Variants in PPP4R3A observed in about 807,000 individuals in gnomAD.
The protein encoded by PPP4R3A is serine/threonine-protein phosphatase 4 regulatory subunit 3A.
Under a neutral mutation model 91.7 loss-of-function variants are expected in PPP4R3A, and 15 were observed. The observed-to-expected ratio is 0.16, with a 90% CI of 0.11 to 0.25. The LOEUF is 0.25. Among genes scored for constraint, PPP4R3A ranks in the 10% least tolerant of loss-of-function variants. The pLI is 1.00. For missense variants in PPP4R3A, 623 were observed against 998.4 expected, an observed-to-expected ratio of 0.62 and a Z score of 5.07; for synonymous variants, 377 against 348.7, an observed-to-expected ratio of 1.08 and a Z score of -0.91.
chr14:91,489,001 A>G (rs1309622961), intron 2 of PPP4R3A, among the ~76,000 whole-genome samples: 1 of 139,082 alleles, frequency 7.2e-6, no homozygotes. Flanking sequence ...TCCACCTCCC[A>G]GGTTCACGCC....
chr14:91,505,836 A>G (rs558249834), intron 1 of PPP4R3A, among the ~76,000 whole-genome samples: 51 of 152,382 alleles, frequency 3.3e-4, no homozygotes, highest in Admixed American at 8.5e-4. Context: ...CAAAAAGAAA[A>G]TATCAATTAT....
intron 14 of PPP4R3A, among the ~76,000 whole-genome samples, chr14:91,459,187 C>T (rs1567142437): frequency 6.6e-6 from 1 of 152,090 alleles, no homozygotes; most frequent in Non-Finnish European, 1.5e-5. Flanking sequence ...TCACTGCAAC[C>T]TCCACCTCCC....
At chr14:91,482,219 C>A (rs1889609254) in intron 3 of PPP4R3A, 26 bp from the exon 4 acceptor site, 1 of 1,559,222 alleles carries the variant, frequency 6.4e-7, no homozygotes, top group Non-Finnish European at 8.6e-7. Flanking sequence ...TAATTGCTGA[C>A]AAAATAGATA....
intron 4 of PPP4R3A, among the ~76,000 whole-genome samples, chr14:91,481,222 C>G (rs1209457623): frequency 6.6e-6 from 1 of 152,048 alleles, no homozygotes; most frequent in Non-Finnish European, 1.5e-5. Context: ...GTCCCAGCTA[C>G]TCAGGAGGCT....
chr14:91,471,066 A>G (rs1168626435), intron 9 of PPP4R3A, 71 bp from the exon 10 acceptor site: 1 of 1,411,320 alleles, frequency 7.1e-7, no homozygotes, highest in Non-Finnish European at 9.5e-7. Context: ...TAAGAACTCA[A>G]ATTCTAATCA....
rs772678944 is a variant in PPP4R3A, at chr14:91,490,762, T to A, written c.183A>T (p.Ala61=). ...AAAATTTTACCTGTTGTTTCTGGTA[T>A]GCAGTGTTAGGATTTATTTTCGACT... ...LLESKINPNT[A]YQKQQDTLIV... Residue 61 remains alanine, a synonymous_variant, in exon 2 of 15, where the codon GCA becomes GCT. Coordinates refer to ENST00000554943, the MANE Select transcript of PPP4R3A (RefSeq NM_001366432.2). 4 of 1,609,958 alleles carry A rather than the reference T, an allele frequency of 2.5e-6. No homozygotes were observed. The highest frequency in any genetic ancestry group is 3.4e-6 in the Non-Finnish European group (4 of 1,178,616).
intron 7 of PPP4R3A, 107 bp downstream of exon 7, chr14:91,475,703 TG>T: frequency 9.0e-7 from 1 of 1,107,016 alleles, no homozygotes; most frequent in Non-Finnish European, 1.3e-6. Flanking sequence ...TCTGATATTA[TG>T]GCTACACTTT....
At chr14:91,459,718 C>T (rs545603667) in intron 14 of PPP4R3A, among the ~76,000 whole-genome samples, 8 of 151,642 alleles carry the variant, frequency 5.3e-5, no homozygotes, top group Non-Finnish European at 1.0e-4. Context: ...ATCTGTAATC[C>T]CAGCTACTTG....
At chr14:91,476,795 G>A in intron 5 of PPP4R3A, 114 bp downstream of exon 5, 1 of 859,362 alleles carries the variant, frequency 1.2e-6, no homozygotes, top group Non-Finnish European at 1.8e-6. Context: ...TCAAACTTCT[G>A]ACCTCGTGAT....
intron 11 of PPP4R3A, among the ~76,000 whole-genome samples, 187 bp downstream of exon 11, chr14:91,465,063 A>T (rs890936916): frequency 6.6e-6 from 1 of 152,014 alleles, no homozygotes; most frequent in Non-Finnish European, 1.5e-5. Flanking sequence ...GACCCCTGCT[A>T]TAACAGATTT....
intron 2 of PPP4R3A, among the ~76,000 whole-genome samples, chr14:91,486,937 A>T (rs942951777): frequency 2.7e-5 from 4 of 147,876 alleles, no homozygotes; most frequent in African/African-American, 9.9e-5. Context: ...GAGAGTCAAA[A>T]TATTTATAAG....
chr14:91,460,543 CT>C (rs1383777294), intron 14 of PPP4R3A, among the ~76,000 whole-genome samples: 1 of 151,416 alleles, frequency 6.6e-6, no homozygotes, highest in African/African-American at 2.4e-5. Context: ...TATATTATGT[CT>C]CAAAAGAAAA....
At chr14:91,462,655 AAAT>A (rs1888231850) in intron 12 of PPP4R3A, 77 bp downstream of exon 12, 1 of 1,520,436 alleles carries the variant, frequency 6.6e-7, no homozygotes, top group African/African-American at 1.4e-5. Flanking sequence ...TTGTCAAGCC[AAAT>A]AATATCAAAT....
chr14:91,507,408 A>G (rs1326950170), intron 1 of PPP4R3A, among the ~76,000 whole-genome samples: 4 of 101,634 alleles, frequency 3.9e-5, no homozygotes, highest in Non-Finnish European at 2.2e-5. Flanking sequence ...CTATAATTAT[A>G]TATACTATAT....
At chr14:91,502,887 C>A (rs1311206007) in intron 1 of PPP4R3A, among the ~76,000 whole-genome samples, 1 of 152,202 alleles carries the variant, frequency 6.6e-6, no homozygotes, top group African/African-American at 2.4e-5. Context: ...ATTCTGGATG[C>A]CTTGGCAAGT....
intron 4 of PPP4R3A, among the ~76,000 whole-genome samples, chr14:91,481,034 TA>T (rs879583107): frequency 1.7e-3 from 237 of 142,822 alleles, no homozygotes; most frequent in Non-Finnish European, 1.6e-3. Context: ...GACCTCAACT[TA>T]AAAAAAAAAA....
chr14:91,489,925 C>T (rs1252677475), intron 2 of PPP4R3A, among the ~76,000 whole-genome samples: 2 of 152,224 alleles, frequency 1.3e-5, no homozygotes, highest in Non-Finnish European at 2.9e-5. Context: ...GACCTTTACG[C>T]ATCACCCAAT....
chr14:91,479,300 G>GTGTA (rs1179818529), intron 4 of PPP4R3A, among the ~76,000 whole-genome samples: 17 of 142,482 alleles, frequency 1.2e-4, no homozygotes, highest in Admixed American at 4.8e-4. Context: ...CAACGTGTGT[G>GTGTA]TGTGTGTGTG....
chr14:91,479,290 CAACGTGT>C (rs1385679221), intron 4 of PPP4R3A, among the ~76,000 whole-genome samples: 1 of 114,450 alleles, frequency 8.7e-6, no homozygotes, highest in Non-Finnish European at 1.8e-5. Flanking sequence ...GAATAAAAAA[CAACGTGT>C]GTGTGTGTGT....
Sources: gnomAD v4.1 joint callset for allele counts (sites outside exome capture counted in the v4.1 genomes callset) on GRCh38, gnomAD v4.1.1 for gene constraint, MANE v1.5 for transcripts, NCBI Gene and HGNC (gene_info 2026-07-23, HGNC 2026-07-21) for gene names.